The following PCDHGA3 variants were observed in gnomAD, a reference collection of about 807,000 sequenced individuals.
The protein encoded by PCDHGA3 is protocadherin gamma-A3.
A neutral mutation model predicts 58.5 loss-of-function variants in PCDHGA3; 40 were observed. The observed-to-expected ratio is 0.68, with a 90% CI of 0.53 to 0.89. PCDHGA3 has a LOEUF of 0.89. PCDHGA3 is among the 40% of genes least tolerant of loss of function. The pLI is 0.00. For missense variants in PCDHGA3, 1,223 were observed against 1,195.9 expected, an observed-to-expected ratio of 1.02 and a Z score of -0.33; for synonymous variants, 530 against 525.7, an observed-to-expected ratio of 1.01 and a Z score of -0.11.
intron 1 of PCDHGA3, among the ~76,000 whole-genome samples, chr5:141,482,800 G>A (rs10052648): frequency 7.6e-6 from 1 of 130,764 alleles, no homozygotes; most frequent in South Asian, 2.2e-4. Flanking sequence ...GGCCGGGTAC[G>A]GTGGCTCATG....
chr5:141,380,206 G>C (rs750518608), intron 1 of PCDHGA3, among the ~76,000 whole-genome samples: 1 of 152,114 alleles, frequency 6.6e-6, no homozygotes, highest in South Asian at 2.1e-4. Flanking sequence ...GGCCTGAAAG[G>C]CATTCATTTC....
chr5:141,351,356 A>G (rs761700091), intron 1 of PCDHGA3: 3 of 1,613,212 alleles, frequency 1.9e-6, no homozygotes, highest in Admixed American at 3.3e-5. Flanking sequence ...AGCCCTCATA[A>G]AAGTGCGAGA....
At chr5:141,360,197 T>C (rs777545270) in intron 1 of PCDHGA3, 1 of 1,612,462 alleles carries the variant, frequency 6.2e-7, no homozygotes, top group South Asian at 1.1e-5. Context: ...TTGCCCTTCC[T>C]GTTGTCTTTG....
rs780436102 is a variant in PCDHGA3, at chr5:141,431,846, G to A, written c.2425-62961G>A. 1 of 1,614,274 alleles carries A rather than the reference G, an allele frequency of 6.2e-7. No individual in the cohort carries two copies. Among genetic ancestry groups the A allele is most frequent in the South Asian group, 1.1e-5 (1 of 91,088 alleles). On this transcript the variant is annotated intron_variant, in intron 1 of 3. Coordinates refer to ENST00000253812, the MANE Select transcript of PCDHGA3 (RefSeq NM_018916.4). The surrounding 1 kb of genome is among the most constrained non-coding windows in gnomAD (Gnocchi z 4.8). ...CTCGGTTCCCGAAAACTCTCCCAGA[G>A]GGACATTAATTGCCCTTTTAAATGT...
intron 1 of PCDHGA3, chr5:141,350,534 A>G (rs1758496853): frequency 6.2e-7 from 1 of 1,614,012 alleles, no homozygotes; most frequent in East Asian, 2.2e-5. Flanking sequence ...TCGAGAGAAG[A>G]TTTGCGGAAG....
At chr5:141,480,982 C>T (rs1258067957) in intron 1 of PCDHGA3, among the ~76,000 whole-genome samples, 1 of 152,150 alleles carries the variant, frequency 6.6e-6, no homozygotes, top group African/African-American at 2.4e-5. Context: ...TCAGTGAACC[C>T]AGGATGTGGA....
chr5:141,360,535 A>G lies in PCDHGA3; in HGVS notation c.2424+14078A>G, dbSNP rs376637010. ...TATAAATGATAATACCCCGCTATTC[A>G]AACAGACTAAGATTAATTTAAAAAT... On this transcript the variant is annotated intron_variant, in intron 1 of 3. Coordinates refer to ENST00000253812, the MANE Select transcript of PCDHGA3 (RefSeq NM_018916.4). 1.9e-6 allele frequency: 3 copies of G among 1,613,976 alleles called. No homozygotes were observed. The South Asian group carries it at 3.3e-5, about 18-fold the overall frequency.
chr5:141,462,792 G>C (rs2099046915), intron 1 of PCDHGA3, among the ~76,000 whole-genome samples: 1 of 152,080 alleles, frequency 6.6e-6, no homozygotes, highest in Admixed American at 6.6e-5. Flanking sequence ...TTGCTTATTT[G>C]CATGTCTAAT....
intron 1 of PCDHGA3, among the ~76,000 whole-genome samples, chr5:141,458,101 G>C (rs530847477): frequency 3.3e-5 from 5 of 152,200 alleles, no homozygotes; most frequent in Non-Finnish European, 7.4e-5. Flanking sequence ...AGTACTTACA[G>C]ATAGTCTCCA....
At chr5:141,478,864 A>G in intron 1 of PCDHGA3, 1 of 1,322,156 alleles carries the variant, frequency 7.6e-7, no homozygotes, top group Non-Finnish European at 1.0e-6. Flanking sequence ...GATCTCAGCG[A>G]TCAGAGTTTA....
rs770788893 is a variant in PCDHGA3 at position 141,403,151 on chromosome 5, G to T, written c.2424+56694G>T. On this transcript the variant is annotated intron_variant, in intron 1 of 3. Coordinates refer to ENST00000253812, the MANE Select transcript of PCDHGA3 (RefSeq NM_018916.4). ...GCTGGCGGAGCGCCGAGTCCGCATC[G>T]TCTCTAGAGGTAGGACGCAGCTTTT... 1.3e-5 allele frequency: 21 copies of T among 1,613,914 alleles called. No individual in the cohort carries two copies. In the Admixed American group the frequency reaches 3.5e-4, roughly 27 times the overall value.
intron 1 of PCDHGA3, chr5:141,414,814 A>C (rs1368279926): frequency 6.2e-7 from 1 of 1,614,100 alleles, no homozygotes; most frequent in African/African-American, 1.3e-5. Flanking sequence ...TCCTCCACTC[A>C]GCAGCAACGT....
intron 1 of PCDHGA3, chr5:141,421,935 A>G: frequency 6.2e-7 from 1 of 1,613,514 alleles, no homozygotes; most frequent in East Asian, 2.2e-5. Context: ...TCCTCGATGT[A>G]AATGATCACA....
chr5:141,489,211 A>G lies in PCDHGA3; in HGVS notation c.2425-5596A>G, dbSNP rs1206929838. On this transcript the variant is annotated intron_variant, in intron 1 of 3. Coordinates refer to ENST00000253812, the MANE Select transcript of PCDHGA3 (RefSeq NM_018916.4). This position sits in a 1 kb window ranked among gnomAD's most constrained non-coding sequence, Gnocchi z 4.5. The stretch of plus-strand genomic sequence containing the variant: ...CTACCTTGGAGACAGGACAGCACAG[A>G]CTTACTCTCCACAAAGGGACTTCTG... 2 of 1,462,498 alleles carry G rather than the reference A, an allele frequency of 1.4e-6. No individual in the cohort carries two copies. Among genetic ancestry groups the G allele is most frequent in the Non-Finnish European group, 1.8e-6 (2 of 1,081,560 alleles). The allele number at this position is 1,462,498 out of a possible 1,614,324, so 90.6% of individuals were successfully genotyped here. A position where few individuals can be genotyped will look rare whatever the true frequency, so the allele number is the denominator to read the frequency against.
At chr5:141,365,423 G>C (rs182594355) in intron 1 of PCDHGA3, 2 of 1,614,018 alleles carry the variant, frequency 1.2e-6, no homozygotes, top group South Asian at 2.2e-5. Context: ...TCCCGGAACT[G>C]TAATCGCGCT....
chr5:141,350,240 G>C (rs1016552981), intron 1 of PCDHGA3: 1 of 1,504,636 alleles, frequency 6.6e-7, no homozygotes, highest in African/African-American at 1.4e-5. Flanking sequence ...GAGGAAAGAA[G>C]CTCCGCGGAG....
rs769633110 is a variant in PCDHGA3 at position 141,374,076 on chromosome 5, A to G, written c.2424+27619A>G. The G allele has an allele frequency of 3.3e-6, 5 of 1,514,538 alleles. No homozygotes were observed. The Admixed American group carries it at 9.2e-5, about 28-fold the overall frequency. 93.8% of individuals were successfully genotyped at this position (1,514,538 alleles called of 1,614,324 possible). A position where few individuals can be genotyped will look rare whatever the true frequency, so the allele number is the denominator to read the frequency against. ...CTTAATCCCAGAGAAGTTCCTAATA[A>G]GCCAGTAATGGCGCCTCCGCAGAGG... On this transcript the variant is annotated intron_variant, in intron 1 of 3. Coordinates refer to ENST00000253812, the MANE Select transcript of PCDHGA3 (RefSeq NM_018916.4).
At position 141,489,298 on chromosome 5, in the gene PCDHGA3, T is replaced by C; in HGVS notation, c.2425-5509T>C. On this transcript the variant is annotated intron_variant, in intron 1 of 3. Transcript: ENST00000253812. This position sits in a 1 kb window ranked among gnomAD's most constrained non-coding sequence, Gnocchi z 4.5. ...GAAATGGCAAGTGCTGTGCATGTTG[T>C]CCTTGTGCTGCTGGGGCTGGGTGTC... The C allele has an allele frequency of 6.3e-7, 1 of 1,584,418 alleles. No individual in the cohort carries two copies. The highest frequency in any genetic ancestry group is 8.6e-7 in the Non-Finnish European group (1 of 1,165,192).
At chr5:141,357,667 A>C in intron 1 of PCDHGA3, 1 of 1,599,486 alleles carries the variant, frequency 6.3e-7, no homozygotes, top group South Asian at 1.1e-5. Context: ...AATATAGACA[A>C]AGAGTTGTGT....
Sources: gnomAD v4.1 joint callset for allele counts (sites outside exome capture counted in the v4.1 genomes callset) on GRCh38, gnomAD v4.1.1 for gene constraint, Gnocchi (gnomAD v3.1) non-coding constraint, MANE v1.5 for transcripts, NCBI Gene and HGNC (gene_info 2026-07-23, HGNC 2026-07-21) for gene names.